Variants in DCC observed in about 807,000 individuals in gnomAD.
DCC encodes netrin receptor DCC.
A neutral mutation model predicts 172.5 loss-of-function variants in DCC; 58 were observed. The ratio of observed to expected loss-of-function variants is 0.34; its 90% CI spans 0.27 to 0.42. DCC has a LOEUF of 0.42. Ranked by LOEUF, DCC falls within the 10% of genes least tolerant of loss-of-function variation. DCC has a pLI of 1.00. For missense variants in DCC, 1,740 were observed against 1,791.0 expected (o/e 0.97, Z 0.51); for synonymous variants, 709 against 644.5 (o/e 1.10, Z -1.52).
chr18:53,001,463 T>C (rs899439872), intron 5 of DCC, among the ~76,000 whole-genome samples: 1 of 152,098 alleles, frequency 6.6e-6, no homozygotes, highest in African/African-American at 2.4e-5. Flanking sequence ...TCAAGACCTT[T>C]TCTCTTCTGT....
chr18:52,730,657 A>C (rs998666540), intron 1 of DCC, among the ~76,000 whole-genome samples: 2 of 152,196 alleles, frequency 1.3e-5, no homozygotes, highest in Admixed American at 6.5e-5. Context: ...ATGACCATGC[A>C]AGCTGACACT....
At chr18:53,450,867 C>T (rs1383588870) in intron 23 of DCC, among the ~76,000 whole-genome samples, 1 of 152,190 alleles carries the variant, frequency 6.6e-6, no homozygotes, top group Non-Finnish European at 1.5e-5. Flanking sequence ...CAAAATCCAT[C>T]TGGGACCCAC....
chr18:53,287,979 C>T (rs2056955849), intron 12 of DCC, among the ~76,000 whole-genome samples: 1 of 152,016 alleles, frequency 6.6e-6, no homozygotes, highest in Admixed American at 6.6e-5. Flanking sequence ...GTTCTTTGAG[C>T]ATGTACGCAA....
At chr18:52,809,881 C>T (rs1235151514) in intron 2 of DCC, among the ~76,000 whole-genome samples, 1 of 152,142 alleles carries the variant, frequency 6.6e-6, no homozygotes, top group Non-Finnish European at 1.5e-5. Context: ...TATTTCTTTA[C>T]CTCCTGCTTT....
intron 2 of DCC, among the ~76,000 whole-genome samples, chr18:52,848,064 A>T (rs1042023003): frequency 6.7e-6 from 1 of 149,170 alleles, no homozygotes; most frequent in Non-Finnish European, 1.5e-5. Flanking sequence ...GAAAAGGTTC[A>T]TTGATTTGAC....
At chr18:52,925,163 T>G in intron 4 of DCC, 71 bp from the exon 5 acceptor site, 6 of 1,462,920 alleles carry the variant, frequency 4.1e-6, no homozygotes. Flanking sequence ...TGGAGGTCAT[T>G]TAAAGCTCTG....
intron 15 of DCC, among the ~76,000 whole-genome samples, chr18:53,349,122 C>T (rs1364660799): frequency 6.6e-6 from 1 of 152,130 alleles, no homozygotes; most frequent in Non-Finnish European, 1.5e-5. Context: ...TTAATGGCAC[C>T]AAAGTCACCT....
At chr18:53,064,832 T>C (rs2042544160) in intron 6 of DCC, among the ~76,000 whole-genome samples, 1 of 152,186 alleles carries the variant, frequency 6.6e-6, no homozygotes, top group Non-Finnish European at 1.5e-5. Flanking sequence ...AATGGGCACT[T>C]TAAAAAGTGT....
chr18:52,389,875 A>T (rs1445929090), intron 1 of DCC, among the ~76,000 whole-genome samples: 3 of 152,090 alleles, frequency 2.0e-5, no homozygotes, highest in African/African-American at 7.2e-5. Flanking sequence ...GATTGATTCA[A>T]TGAATAAAAA....
At chr18:52,555,385 G>T (rs1406506026) in intron 1 of DCC, among the ~76,000 whole-genome samples, 2 of 152,116 alleles carry the variant, frequency 1.3e-5, no homozygotes, top group African/African-American at 2.4e-5. Context: ...ATGTATTAAT[G>T]ATTTGAAGAA....
intron 2 of DCC, among the ~76,000 whole-genome samples, chr18:52,780,725 C>A (rs551871079): frequency 1.1e-4 from 16 of 152,212 alleles, no homozygotes; most frequent in African/African-American, 3.9e-4. Context: ...TTACTTCCCT[C>A]CAAGTGTGAG....
chr18:52,750,169 A>C (rs1347387256), intron 1 of DCC, among the ~76,000 whole-genome samples: 2 of 152,222 alleles, frequency 1.3e-5, no homozygotes, highest in African/African-American at 2.4e-5. Context: ...TCCAAACTAG[A>C]TGTTGAACTT....
chr18:52,708,564 A>G (rs1568055313), intron 1 of DCC, among the ~76,000 whole-genome samples: 1 of 152,176 alleles, frequency 6.6e-6, no homozygotes, highest in African/African-American at 2.4e-5. Flanking sequence ...GTTCATTTGC[A>G]GTGAAGTCCT....
At chr18:53,220,247 G>A (rs772017652) in intron 12 of DCC, among the ~76,000 whole-genome samples, 1 of 152,094 alleles carries the variant, frequency 6.6e-6, no homozygotes, top group Non-Finnish European at 1.5e-5. Context: ...ATCTTCTCTT[G>A]GTTATTCAGA....
At chr18:53,318,049 T>A (rs978263195) in intron 13 of DCC, among the ~76,000 whole-genome samples, 8 of 152,148 alleles carry the variant, frequency 5.3e-5, no homozygotes, top group African/African-American at 1.9e-4. Context: ...CTCTTGCTTC[T>A]CTAGTTCTTT....
Position 52,654,650 on chromosome 18 carries a change from G to A in DCC, c.92-97404G>A, listed in dbSNP as rs1037113991. On this transcript the variant is annotated intron_variant, in intron 1 of 28. Transcript: ENST00000442544. ...TAAGGCTCACCCAAAAAAGTTAAGG[G>A]CTTTGCTTTAACTTAATCACAACTT... Among the ~76,000 whole-genome samples, 3 of 152,080 alleles carry A rather than the reference G, an allele frequency of 2.0e-5. No homozygotes were observed. The East Asian group carries it at 5.8e-4, about 29-fold the overall frequency.
chr18:52,815,249 G>A (rs1365969748), intron 2 of DCC, among the ~76,000 whole-genome samples: 1 of 152,134 alleles, frequency 6.6e-6, no homozygotes, highest in African/African-American at 2.4e-5. Flanking sequence ...ATGTGTTGAA[G>A]CCCTATCCCT....
At chr18:53,177,192 G>A (rs992460674) in intron 8 of DCC, among the ~76,000 whole-genome samples, 2 of 150,846 alleles carry the variant, frequency 1.3e-5, no homozygotes, top group East Asian at 2.0e-4. Flanking sequence ...GGTGGGGGGA[G>A]CGGGGGAGGG....
intron 12 of DCC, among the ~76,000 whole-genome samples, chr18:53,261,313 C>G (rs1246057883): frequency 6.6e-6 from 1 of 152,196 alleles, no homozygotes; most frequent in Non-Finnish European, 1.5e-5. Flanking sequence ...GAGCTGTAGA[C>G]TGGAGCTGTT....
Sources: allele counts gnomAD v4.1 joint callset (sites outside exome capture counted in the v4.1 genomes callset), GRCh38; gene constraint gnomAD v4.1.1; transcripts MANE v1.5; gene names NCBI Gene and HGNC (gene_info 2026-07-23, HGNC 2026-07-21).